The following ATP8A2 variants were observed in gnomAD, a reference collection of about 807,000 sequenced individuals.
ATP8A2 encodes ATPase phospholipid transporting 8A2, also known as phospholipid-transporting ATPase IB.
ATP8A2 carries 100 observed loss-of-function variants against 165.6 expected under a neutral mutation model. The observed-to-expected ratio is 0.60, with a 90% confidence interval of 0.51 to 0.71. The LOEUF is 0.71. Ranked by LOEUF, ATP8A2 falls within the 30% of genes least tolerant of loss-of-function variation. The pLI is 0.00. For missense variants in ATP8A2, 1,227 were observed against 1,479.5 expected (o/e 0.83, Z 2.80); for synonymous variants, 543 against 548.8 (o/e 0.99, Z 0.15).
rs1427387369 is a variant in ATP8A2, at chr13:25,831,920, T to G, written c.2754+3728T>G. Among the ~76,000 whole-genome samples the G allele has an allele frequency of 2.8e-5, 3 of 106,052 alleles. No individual in the cohort carries two copies. The East Asian group carries it at 8.4e-4, about 30-fold the overall frequency. 69.6% of individuals were successfully genotyped at this position (106,052 alleles called of 152,430 possible). On this transcript the variant is annotated intron_variant, in intron 28 of 36. Transcript: ENST00000381655. ...GCTGTCCCAGAAGATTTTCATTATATCCATAGTCAATTTCTTTATTTTTTT... is the reference window on the plus strand; with the variant it reads ...GCTGTCCCAGAAGATTTTCATTATAGCCATAGTCAATTTCTTTATTTTTTT...
intron 24 of ATP8A2, among the ~76,000 whole-genome samples, chr13:25,596,916 G>T (rs2040250642): frequency 1.3e-5 from 2 of 152,086 alleles, no homozygotes; most frequent in African/African-American, 4.8e-5. Flanking sequence ...ACCGGTGTTT[G>T]GTACTGTCAG....
intron 35 of ATP8A2, among the ~76,000 whole-genome samples, chr13:25,998,183 A>G (rs1956555436): frequency 6.6e-6 from 1 of 152,152 alleles, no homozygotes; most frequent in Non-Finnish European, 1.5e-5. Context: ...GACATCACCC[A>G]GTGAAGAGGG....
At chr13:25,483,484 G>A (rs540501536) in intron 2 of ATP8A2, among the ~76,000 whole-genome samples, 8 of 152,120 alleles carry the variant, frequency 5.3e-5, no homozygotes, top group South Asian at 2.1e-4. Context: ...CAGCACTGGC[G>A]CTCTTGGAGA....
At chr13:25,594,415 T>C (rs568809924) in intron 24 of ATP8A2, among the ~76,000 whole-genome samples, 1 of 152,260 alleles carries the variant, frequency 6.6e-6, no homozygotes, top group South Asian at 2.1e-4. Context: ...TGTGTGTGTG[T>C]GTGTATTTAA....
intron 27 of ATP8A2, 148 bp downstream of exon 27, chr13:25,775,107 T>C: frequency 1.8e-6 from 1 of 565,800 alleles, no homozygotes; most frequent in Non-Finnish European, 3.1e-6. Flanking sequence ...ACATGTAAGC[T>C]CCTGTGAAGC....
intron 27 of ATP8A2, among the ~76,000 whole-genome samples, chr13:25,820,951 T>G (rs976092131): frequency 6.6e-6 from 1 of 150,736 alleles, no homozygotes; most frequent in African/African-American, 2.4e-5. Flanking sequence ...TTGGGTTTGT[T>G]TTTTTTTTTC....
rs1336674072 is a variant in ATP8A2 at position 25,954,010 on chromosome 13, G to A, written c.3184-7565G>A. Among the ~76,000 whole-genome samples the A allele has an allele frequency of 1.7e-4, 26 of 151,928 alleles. 1 individual carries two copies. In the South Asian group the frequency reaches 2.1e-3, roughly 12 times the overall value. On this transcript the variant is annotated intron_variant, in intron 33 of 36. Coordinates refer to ENST00000381655, the MANE Select transcript of ATP8A2 (RefSeq NM_016529.6). ...CCTGGAATGCCAGCAAGACAGAACCGTTCACTTCCCTGGAAAGGGGGCTGA... is the reference window on the plus strand; with the variant it reads ...CCTGGAATGCCAGCAAGACAGAACCATTCACTTCCCTGGAAAGGGGGCTGA...
chr13:25,519,461 G>A (rs2037589771), intron 2 of ATP8A2, among the ~76,000 whole-genome samples: 1 of 151,740 alleles, frequency 6.6e-6, no homozygotes, highest in South Asian at 2.1e-4. Flanking sequence ...TAGTATCTCC[G>A]GGGGCTGGCA....
chr13:26,024,699 C>A lies in ATP8A2; in HGVS notation c.*4714C>A, dbSNP rs1593734984. ...AAGTGACAATCTCGGGCTCTAGTTG[C>A]CTTTGAGATATCCACTCTGCTCTTT... On this transcript the variant is annotated 3_prime_UTR_variant, in exon 37 of 37. Transcript: ENST00000381655. 6.6e-6 allele frequency: 1 copy of A among 152,160 alleles called. No individual in the cohort carries two copies. Among genetic ancestry groups the A allele is most frequent in the Non-Finnish European group, 1.5e-5 (1 of 68,026 alleles). The allele number at this position is 152,160 out of a possible 1,614,324, so 9.4% of individuals were successfully genotyped here.
At chr13:25,922,762 A>G (rs1954496143) in intron 33 of ATP8A2, among the ~76,000 whole-genome samples, 1 of 152,124 alleles carries the variant, frequency 6.6e-6, no homozygotes, top group Admixed American at 6.5e-5. Flanking sequence ...GTTCCCAAAG[A>G]AGGGGGGATC....
intron 27 of ATP8A2, among the ~76,000 whole-genome samples, chr13:25,786,821 T>A (rs1434373467): frequency 6.7e-6 from 1 of 150,228 alleles, no homozygotes; most frequent in Non-Finnish European, 1.5e-5. Context: ...CAGTGGTGGA[T>A]CTCAGCTCAC....
intron 1 of ATP8A2, among the ~76,000 whole-genome samples, chr13:25,404,036 G>A (rs914771369): frequency 6.6e-6 from 1 of 152,180 alleles, no homozygotes; most frequent in Non-Finnish European, 1.5e-5. Flanking sequence ...TAAGTGCTGA[G>A]GATGTACTGG....
At chr13:25,837,786 A>G (rs74038031) in intron 29 of ATP8A2, among the ~76,000 whole-genome samples, 4,950 of 152,250 alleles carry the variant, frequency 0.033, 274 homozygotes, top group African/African-American at 0.11. Flanking sequence ...CATGAGTTGC[A>G]GGGGATTTGG....
At chr13:25,660,427 C>T (rs545426054) in intron 24 of ATP8A2, among the ~76,000 whole-genome samples, 5 of 152,256 alleles carry the variant, frequency 3.3e-5, no homozygotes, top group African/African-American at 1.2e-4. Flanking sequence ...AATGAATAGA[C>T]ACCCAGAGGG....
In ATP8A2 at chr13:25,779,846, A is replaced by T. The variant is rs546738370; in HGVS notation, c.2679+4887A>T. Among the ~76,000 whole-genome samples, 4 of 152,346 alleles carry T rather than the reference A, an allele frequency of 2.6e-5. No homozygotes were observed. The South Asian group carries it at 8.3e-4, about 32-fold the overall frequency. The stretch of plus-strand genomic sequence containing the variant: ...TTAGGGGTAAAGAGGTTAGGAAAGG[A>T]TTCCTATAAATTTTTGAAGTCTTGA... On this transcript the variant is annotated intron_variant, in intron 27 of 36. Coordinates refer to ENST00000381655, the MANE Select transcript of ATP8A2 (RefSeq NM_016529.6).
At position 25,835,562 on chromosome 13, in the gene ATP8A2, G is replaced by T. The variant is rs552612299; in HGVS notation, c.2755-1601G>T. ...AGAGCTTGCTGGGTTTGTGGGTGGG[G>T]ATTTGAGGGACGCTCAGCAGCAAGT... On this transcript the variant is annotated intron_variant, in intron 28 of 36. Coordinates refer to ENST00000381655, the MANE Select transcript of ATP8A2 (RefSeq NM_016529.6). Among the ~76,000 whole-genome samples the T allele has an allele frequency of 1.8e-4, 27 of 152,132 alleles. No individual in the cohort carries two copies. In the South Asian group the frequency reaches 2.5e-3, roughly 14 times the overall value.
chr13:25,613,625 G>T (rs894548141), intron 24 of ATP8A2, among the ~76,000 whole-genome samples: 3 of 152,154 alleles, frequency 2.0e-5, no homozygotes, highest in Admixed American at 2.0e-4. Flanking sequence ...TTCTTGTAGT[G>T]CTGGATTGGT....
intron 33 of ATP8A2, among the ~76,000 whole-genome samples, chr13:25,952,601 G>A (rs1196055465): frequency 6.6e-6 from 1 of 152,074 alleles, no homozygotes; most frequent in African/African-American, 2.4e-5. Context: ...TCAAACTCCT[G>A]ACCTCAAACC....
At position 25,619,824 on chromosome 13, in the gene ATP8A2, A is replaced by G. The variant is rs548159417; in HGVS notation, c.2211+30125A>G. Among the ~76,000 whole-genome samples, 52 of 152,356 alleles carry G rather than the reference A, an allele frequency of 3.4e-4. No individual in the cohort carries two copies. The South Asian group carries it at 5.6e-3, about 16-fold the overall frequency. On this transcript the variant is annotated intron_variant, in intron 24 of 36. Coordinates refer to ENST00000381655, the MANE Select transcript of ATP8A2 (RefSeq NM_016529.6). ...GGACCACATATGGTCTCTATTGCAT[A>G]GCCTTTCCTATTTTAATTTTGTTTT...
Sources: allele counts gnomAD v4.1 joint callset (sites outside exome capture counted in the v4.1 genomes callset), GRCh38; gene constraint gnomAD v4.1.1; transcripts MANE v1.5; gene names NCBI Gene and HGNC (gene_info 2026-07-23, HGNC 2026-07-21).